TEX14: variants seen among roughly 807,000 people sequenced by gnomAD.
TEX14 encodes the protein testis expressed 14, intercellular bridge forming factor.
In TEX14, 168 loss-of-function variants were observed where a neutral mutation model predicts 178.6. The observed-to-expected ratio is 0.94, with a 90% CI of 0.83 to 1.07. TEX14 has a LOEUF of 1.07. Among genes scored for constraint, TEX14 ranks in the 50% least tolerant of loss-of-function variants. TEX14 has a pLI of 0.00. For synonymous variants in TEX14, 626 were observed against 634.1 expected (o/e 0.99, Z 0.19); for missense variants, 1,730 against 1,753.6 (o/e 0.99, Z 0.24).
At chr17:58,625,258 G>A (rs1319082810) in intron 3 of TEX14, among the ~76,000 whole-genome samples, 1 of 152,020 alleles carries the variant, frequency 6.6e-6, no homozygotes, top group South Asian at 2.1e-4. Flanking sequence ...TCAGCCTCCC[G>A]AGTAGCTGGA....
chr17:58,647,677 ATTTC>A (rs938253022), intron 2 of TEX14, among the ~76,000 whole-genome samples: 4 of 151,002 alleles, frequency 2.6e-5, no homozygotes, highest in East Asian at 1.9e-4. Context: ...ACAAATTCCA[ATTTC>A]TTTCTTTCTT....
At chr17:58,590,234 C>T (rs1368298264) in intron 15 of TEX14, among the ~76,000 whole-genome samples, 1 of 140,136 alleles carries the variant, frequency 7.1e-6, no homozygotes, top group Non-Finnish European at 1.5e-5. Context: ...GCACTCCAGC[C>T]TGGCGACATA....
chr17:58,585,773 C>T (rs368585723), intron 18 of TEX14, 28 bp downstream of exon 18: 114 of 1,611,404 alleles, frequency 7.1e-5, no homozygotes, highest in Non-Finnish European at 9.2e-5. Context: ...TTGAGTTCAC[C>T]TATCCTGATT....
chr17:58,570,361 A>G (rs772315845), intron 25 of TEX14, 24 bp downstream of exon 25: 1 of 1,443,782 alleles, frequency 6.9e-7, no homozygotes, highest in Non-Finnish European at 9.2e-7. Context: ...ATAAACTTCT[A>G]TTTTGATATT....
intron 1 of TEX14, among the ~76,000 whole-genome samples, chr17:58,680,513 G>A (rs1341263701): frequency 1.3e-5 from 2 of 152,068 alleles, no homozygotes; most frequent in African/African-American, 2.4e-5. Flanking sequence ...AGGCCAATGC[G>A]GGCAGATCAC....
In TEX14 at chr17:58,571,993, G is replaced by A; in HGVS notation, c.3645C>T (p.Val1215=). The change falls in exon 24 of 32, where the codon GTC becomes GTT. Residue 1215 remains valine (V), a synonymous_variant. Coordinates refer to ENST00000349033, the MANE Select transcript of TEX14 (RefSeq NM_031272.5). ...AATCCAGTTTCTTTGCTCTCTCTCG[G>A]ACACTTATAAAGTCATCAGACAAAG... ...IQTLSDDFIS[V]RERAKKLDSL... 2 of 1,614,138 alleles carry A rather than the reference G, an allele frequency of 1.2e-6. No homozygotes were observed. Among genetic ancestry groups the A allele is most frequent in the Non-Finnish European group, 1.7e-6 (2 of 1,180,022 alleles).
chr17:58,579,006 G>A (rs2044747253), intron 20 of TEX14, among the ~76,000 whole-genome samples: 1 of 152,186 alleles, frequency 6.6e-6, no homozygotes, highest in African/African-American at 2.4e-5. Context: ...AAAAGAACAA[G>A]AGTACACAAT....
At chr17:58,584,385 CA>C (rs2044900129) in intron 19 of TEX14, 114 bp downstream of exon 19, 1 of 702,154 alleles carries the variant, frequency 1.4e-6, no homozygotes, top group African/African-American at 1.8e-5. Flanking sequence ...GCACATGCTC[CA>C]GCCAAAAAGA....
chr17:58,607,562 C>T (rs553204469), intron 10 of TEX14, among the ~76,000 whole-genome samples: 2 of 152,312 alleles, frequency 1.3e-5, no homozygotes, highest in East Asian at 3.9e-4. Context: ...CATTGCTTCA[C>T]CCCTGGGTGC....
Position 58,574,260 on chromosome 17 carries a change from G to T in TEX14, c.3321-11C>A. The T allele has an allele frequency of 1.2e-6, 2 of 1,606,902 alleles. No homozygotes were observed. Among genetic ancestry groups the T allele is most frequent in the Non-Finnish European group, 8.5e-7 (1 of 1,174,346 alleles). The stretch of plus-strand genomic sequence containing the variant: ...TGTTCATCTTCAGTACTGTGAGAAA[G>T]AAAGTAAGAAAATTACATAAATCCC... On this transcript the variant is annotated splice_polypyrimidine_tract_variant and intron_variant, in intron 21 of 31. Transcript: ENST00000349033.
intron 2 of TEX14, among the ~76,000 whole-genome samples, chr17:58,647,239 G>A (rs558323372): frequency 9.9e-5 from 15 of 151,132 alleles, no homozygotes; most frequent in Non-Finnish European, 2.2e-4. Context: ...AATGGATTCT[G>A]CAGCCCAGCG....
rs536843544 is a variant in TEX14 at position 58,653,952 on chromosome 17, C to T, written c.-1-1950G>A. ...ATCCCAGCACTTTGGGAGGCCGAGGCGGGCGGATCACAAGGTCAGGAGATT... is the reference window on the plus strand; with the variant it reads ...ATCCCAGCACTTTGGGAGGCCGAGGTGGGCGGATCACAAGGTCAGGAGATT... On this transcript the variant is annotated intron_variant, in intron 1 of 31. Transcript: ENST00000349033. 1.5e-4 allele frequency among the ~76,000 whole-genome samples: 23 copies of T among 152,208 alleles called. No individual in the cohort carries two copies. The East Asian group carries it at 3.7e-3, about 24-fold the overall frequency.
At chr17:58,626,952 C>T (rs546185633) in intron 3 of TEX14, among the ~76,000 whole-genome samples, 4 of 152,228 alleles carry the variant, frequency 2.6e-5, no homozygotes, top group South Asian at 4.2e-4. Flanking sequence ...CTTTTTTTCC[C>T]GGTACCTCTA....
Position 58,564,854 on chromosome 17 carries a change from A to C in TEX14, c.4064+15T>G, listed in dbSNP as rs377588501. Reference sequence around the variant, plus strand: ...ATTTTTTAAATCCTTTCAACAGTCCAGCTTTTCCTGTTACCTCTCTGTGTC... The same window carrying C: ...ATTTTTTAAATCCTTTCAACAGTCCCGCTTTTCCTGTTACCTCTCTGTGTC... On this transcript the variant is annotated intron_variant, in intron 28 of 31. Coordinates refer to ENST00000349033, the MANE Select transcript of TEX14 (RefSeq NM_031272.5). 1 of 1,483,624 alleles carries C rather than the reference A, an allele frequency of 6.7e-7. No individual in the cohort carries two copies. The highest frequency in any genetic ancestry group is 1.4e-5 in the African/African-American group (1 of 70,774). The allele number at this position is 1,483,624 out of a possible 1,614,324, so 91.9% of individuals were successfully genotyped here.
At chr17:58,639,479 T>A (rs1352683193) in intron 2 of TEX14, among the ~76,000 whole-genome samples, 2 of 151,944 alleles carry the variant, frequency 1.3e-5, no homozygotes, top group Non-Finnish European at 2.9e-5. Flanking sequence ...GGCGGGAGGA[T>A]CACCTGAGGT....
intron 1 of TEX14, 110 bp from the exon 2 acceptor site, chr17:58,652,112 A>AGGTGGCT: frequency 1.3e-6 from 1 of 765,950 alleles, no homozygotes; most frequent in Non-Finnish European, 2.0e-6. Context: ...TTAATAATGA[A>AGGTGGCT]GATTAGGGGA....
At chr17:58,673,305 C>A (rs1296133335) in intron 1 of TEX14, among the ~76,000 whole-genome samples, 2 of 150,650 alleles carry the variant, frequency 1.3e-5, no homozygotes, top group Admixed American at 1.3e-4. Context: ...ATGGCGAAAC[C>A]ATAAAAAAAA....
At chr17:58,584,155 C>A (rs1422323999) in intron 19 of TEX14, among the ~76,000 whole-genome samples, 3 of 152,188 alleles carry the variant, frequency 2.0e-5, no homozygotes, top group African/African-American at 4.8e-5. Context: ...CCTGCCCTTG[C>A]TTTTCCTACT....
chr17:58,663,728 G>A (rs1280483439), intron 1 of TEX14, among the ~76,000 whole-genome samples: 5 of 152,002 alleles, frequency 3.3e-5, no homozygotes, highest in South Asian at 2.1e-4. Context: ...TTGACCTCCC[G>A]AAGTGCTGGG....
Sources: allele counts gnomAD v4.1 joint callset (sites outside exome capture counted in the v4.1 genomes callset), GRCh38; gene constraint gnomAD v4.1.1; transcripts MANE v1.5; gene names NCBI Gene and HGNC (gene_info 2026-07-23, HGNC 2026-07-21).